ATRNL1: variants seen among roughly 807,000 people sequenced by gnomAD.
ATRNL1 encodes attractin-like protein 1.
Under a neutral mutation model 182.7 loss-of-function variants are expected in ATRNL1, and 95 were observed. The ratio of observed to expected loss-of-function variants is 0.52; its 90% CI spans 0.44 to 0.62. The LOEUF is 0.62. Among genes scored for constraint, ATRNL1 ranks in the 20% least tolerant of loss-of-function variants. ATRNL1 has a pLI of 0.00. For missense variants in ATRNL1, 1,471 were observed against 1,679.5 expected (o/e 0.88, Z 2.17); for synonymous variants, 576 against 568.3 (o/e 1.01, Z -0.19).
chr10:115,632,168 T>C (rs1395145209), intron 26 of ATRNL1, among the ~76,000 whole-genome samples: 6 of 152,088 alleles, frequency 3.9e-5, no homozygotes, highest in African/African-American at 1.4e-4. Context: ...ATCCCAGCAG[T>C]AAGTTATTTA....
intron 10 of ATRNL1, among the ~76,000 whole-genome samples, chr10:115,250,238 C>G (rs1369960666): frequency 6.6e-6 from 1 of 152,182 alleles, no homozygotes; most frequent in Non-Finnish European, 1.5e-5. Flanking sequence ...TGATTGCAAA[C>G]TCTCAACACA....
intron 19 of ATRNL1, among the ~76,000 whole-genome samples, chr10:115,358,646 A>G (rs976921429): frequency 7.3e-5 from 11 of 151,682 alleles, no homozygotes; most frequent in African/African-American, 2.4e-4. Flanking sequence ...TATTATACCT[A>G]TTTTACAAAT....
At chr10:115,723,182 G>T (rs1487174365) in intron 26 of ATRNL1, among the ~76,000 whole-genome samples, 2 of 152,144 alleles carry the variant, frequency 1.3e-5, no homozygotes, top group Non-Finnish European at 2.9e-5. Context: ...TCATAGAAGA[G>T]GTGATCATTT....
intron 27 of ATRNL1, among the ~76,000 whole-genome samples, chr10:115,831,743 A>G (rs1950565837): frequency 7.2e-6 from 1 of 138,042 alleles, no homozygotes; most frequent in Non-Finnish European, 1.5e-5. Context: ...ACCACCTCAC[A>G]TAGTAGCTGC....
chr10:115,912,415 T>TA (rs1555116157), intron 28 of ATRNL1, among the ~76,000 whole-genome samples: 11,399 of 72,292 alleles, frequency 0.16, 1,180 homozygotes, highest in African/African-American at 0.37. Flanking sequence ...TATATATATA[T>TA]TTGTGTGTGT....
At chr10:115,274,785 A>T (rs1554914382) in intron 13 of ATRNL1, among the ~76,000 whole-genome samples, 1 of 152,250 alleles carries the variant, frequency 6.6e-6, no homozygotes, top group Non-Finnish European at 1.5e-5. Context: ...ACAAATTTCA[A>T]GAAAGAAGCA....
chr10:115,359,908 CAT>C (rs1363729319), intron 19 of ATRNL1, among the ~76,000 whole-genome samples: 5 of 151,468 alleles, frequency 3.3e-5, no homozygotes, highest in African/African-American at 1.2e-4. Flanking sequence ...TTTACCATAA[CAT>C]ATGTATTTTA....
intron 27 of ATRNL1, among the ~76,000 whole-genome samples, chr10:115,749,828 TCTA>T (rs1948396770): frequency 2.0e-5 from 3 of 151,936 alleles, no homozygotes; most frequent in Non-Finnish European, 4.4e-5. Context: ...CAGTTCCAGT[TCTA>T]CTTTTAGCTT....
chr10:115,787,210 A>C (rs2134203225), intron 27 of ATRNL1, among the ~76,000 whole-genome samples: 1 of 152,246 alleles, frequency 6.6e-6, no homozygotes, highest in East Asian at 1.9e-4. Flanking sequence ...ATAGTCTTGT[A>C]CCTTGTTTGT....
At chr10:115,260,231 A>T (rs576660512) in intron 10 of ATRNL1, among the ~76,000 whole-genome samples, 68 of 152,338 alleles carry the variant, frequency 4.5e-4, no homozygotes, top group African/African-American at 1.6e-3. Flanking sequence ...CATGACTGAG[A>T]GCATAAGCAC....
chr10:115,869,572 C>T (rs1246074401), intron 28 of ATRNL1, among the ~76,000 whole-genome samples: 4 of 152,076 alleles, frequency 2.6e-5, no homozygotes, highest in African/African-American at 7.2e-5. Context: ...CACTCATCTC[C>T]CACCACCACA....
chr10:115,527,482 C>T (rs1851282313), intron 25 of ATRNL1, among the ~76,000 whole-genome samples: 1 of 142,632 alleles, frequency 7.0e-6, no homozygotes, highest in Admixed American at 7.0e-5. Flanking sequence ...GTTGATAGAA[C>T]TGACCTATAA....
chr10:115,540,145 A>G (rs547221833), intron 25 of ATRNL1, among the ~76,000 whole-genome samples: 13 of 151,334 alleles, frequency 8.6e-5, no homozygotes, highest in African/African-American at 3.1e-4. Flanking sequence ...AAATAAATAA[A>G]TAAATAAATA....
At chr10:115,184,215 G>T (rs1554888339) in intron 8 of ATRNL1, among the ~76,000 whole-genome samples, 1 of 151,374 alleles carries the variant, frequency 6.6e-6, no homozygotes, top group Non-Finnish European at 1.5e-5. Context: ...GAGAAAATGG[G>T]AATGGATGGC....
At chr10:115,270,470 G>T (rs1194642948) in intron 13 of ATRNL1, among the ~76,000 whole-genome samples, 1 of 146,620 alleles carries the variant, frequency 6.8e-6, no homozygotes, top group African/African-American at 2.5e-5. Context: ...TATATAAAAT[G>T]AGATTTATTA....
At chr10:115,143,210 A>G (rs1249157907) in intron 5 of ATRNL1, among the ~76,000 whole-genome samples, 1 of 152,210 alleles carries the variant, frequency 6.6e-6, no homozygotes, top group Non-Finnish European at 1.5e-5. Flanking sequence ...TGTGCTAGGC[A>G]TATAAATTCC....
chr10:115,096,078 A>C (rs1204707017), intron 1 of ATRNL1, among the ~76,000 whole-genome samples: 1 of 152,236 alleles, frequency 6.6e-6, no homozygotes, highest in East Asian at 1.9e-4. Flanking sequence ...GGTGGTGTTC[A>C]TAAACAAAAT....
intron 26 of ATRNL1, among the ~76,000 whole-genome samples, chr10:115,577,656 C>T (rs2804184): frequency 0.59 from 70,841 of 119,822 alleles, 18,407 homozygotes; most frequent in East Asian, 0.85. Flanking sequence ...GTGTGTGTAG[C>T]CTTATAGGGT....
chr10:115,813,384 T>G (rs980326826), intron 27 of ATRNL1, among the ~76,000 whole-genome samples: 9 of 152,290 alleles, frequency 5.9e-5, no homozygotes, highest in East Asian at 1.9e-4. Flanking sequence ...GAGGGGTCTA[T>G]TTCCTGTAAT....
Sources: gnomAD v4.1 joint callset for allele counts (sites outside exome capture counted in the v4.1 genomes callset) on GRCh38, gnomAD v4.1.1 for gene constraint, MANE v1.5 for transcripts, NCBI Gene and HGNC (gene_info 2026-07-23, HGNC 2026-07-21) for gene names.